The following SCAPER variants were observed in gnomAD, a reference collection of about 807,000 sequenced individuals.
SCAPER encodes S phase cyclin A-associated protein in the endoplasmic reticulum.
In SCAPER, 98 loss-of-function variants were observed where a neutral mutation model predicts 182.2. The ratio of observed to expected loss-of-function variants is 0.54; its 90% CI spans 0.46 to 0.64. The LOEUF (loss-of-function observed/expected upper bound fraction) is 0.64. Among genes scored for constraint, SCAPER ranks in the 30% least tolerant of loss-of-function variants. SCAPER has a pLI of 0.00. For missense variants in SCAPER, 1,432 were observed against 1,690.0 expected, an observed-to-expected ratio of 0.85 and a Z score of 2.68; for synonymous variants, 605 against 564.6, an observed-to-expected ratio of 1.07 and a Z score of -1.01.
At chr15:76,635,630 T>C (rs1245247761) in intron 21 of SCAPER, among the ~76,000 whole-genome samples, 1 of 152,248 alleles carries the variant, frequency 6.6e-6, no homozygotes, top group Non-Finnish European at 1.5e-5. Context: ...CTTTCATGTC[T>C]TCTTCCTGAT....
chr15:76,693,983 C>T (rs1402907158), intron 20 of SCAPER, among the ~76,000 whole-genome samples: 2 of 151,972 alleles, frequency 1.3e-5, no homozygotes, highest in Admixed American at 6.5e-5. Context: ...AGGGTTAAGA[C>T]GGTAACTATC....
chr15:76,803,016 C>T (rs2065905759), intron 6 of SCAPER, among the ~76,000 whole-genome samples: 2 of 152,152 alleles, frequency 1.3e-5, no homozygotes, highest in Admixed American at 1.3e-4. Flanking sequence ...AACTACATTG[C>T]TATATGTCAA....
intron 20 of SCAPER, among the ~76,000 whole-genome samples, chr15:76,683,715 T>C (rs1015927819): frequency 1.3e-5 from 2 of 151,838 alleles, no homozygotes; most frequent in Non-Finnish European, 2.9e-5. Context: ...GCAAACTGTT[T>C]AGCAGAAACC....
At chr15:76,435,761 TGG>T (rs1286522421) in intron 25 of SCAPER, among the ~76,000 whole-genome samples, 5 of 152,238 alleles carry the variant, frequency 3.3e-5, no homozygotes, top group African/African-American at 1.2e-4. Context: ...ATAGGATTCT[TGG>T]TTGGAACCCA....
intron 25 of SCAPER, among the ~76,000 whole-genome samples, chr15:76,434,564 G>C (rs1351635354): frequency 6.6e-6 from 1 of 152,138 alleles, no homozygotes; most frequent in Non-Finnish European, 1.5e-5. Flanking sequence ...CTGTATCATA[G>C]AATTTTTGTG....
chr15:76,503,195 TTTA>T lies in SCAPER; in HGVS notation c.2954+1661_2954+1663del, dbSNP rs576592733. ...ATCATTTCCTTTCTTATTTCAAATA[TTTA>T]TTATATTTCATTCCTTTCTTCCTTT... is the stretch of plus-strand genomic sequence containing the variant. On this transcript the variant is annotated intron_variant, in intron 24 of 31. Coordinates refer to ENST00000563290, the MANE Select transcript of SCAPER (RefSeq NM_020843.4). 1.3e-5 allele frequency among the ~76,000 whole-genome samples: 2 copies of T among 152,214 alleles called. 1 individual carries two copies. Among genetic ancestry groups the T allele is most frequent in the Non-Finnish European group, 2.9e-5 (2 of 68,030 alleles).
chr15:76,447,479 T>G (rs1413017885), intron 25 of SCAPER, among the ~76,000 whole-genome samples: 1 of 152,130 alleles, frequency 6.6e-6, no homozygotes, highest in African/African-American at 2.4e-5. Flanking sequence ...GGGACTGAGC[T>G]CTAAACCTGT....
Sources: gnomAD v4.1 joint callset for allele counts (sites outside exome capture counted in the v4.1 genomes callset) on GRCh38, gnomAD v4.1.1 for gene constraint, MANE v1.5 for transcripts, NCBI Gene and HGNC (gene_info 2026-07-23, HGNC 2026-07-21) for gene names.